NLGN1: variants seen among roughly 807,000 people sequenced by gnomAD.
NLGN1 encodes the protein neuroligin-1.
A neutral mutation model predicts 65.5 loss-of-function variants in NLGN1; 12 were observed. That is an observed-to-expected ratio of 0.18 (90% CI 0.12 to 0.30). The LOEUF (loss-of-function observed/expected upper bound fraction) is 0.30. NLGN1 is among the 10% of genes least tolerant of loss of function. The pLI, the probability that NLGN1 is intolerant of heterozygous loss-of-function variation, is 1.00. For synonymous variants in NLGN1, 350 were observed against 359.5 expected, an observed-to-expected ratio of 0.97 and a Z score of 0.30; for missense variants, 750 against 1,007.1, an observed-to-expected ratio of 0.74 and a Z score of 3.46.
intron 4 of NLGN1, among the ~76,000 whole-genome samples, chr3:174,132,313 A>C (rs958810265): frequency 2.6e-5 from 4 of 152,224 alleles, no homozygotes; most frequent in African/African-American, 9.6e-5. Flanking sequence ...TAAAATAGCC[A>C]AAACCTTTCC....
At chr3:173,922,326 A>G (rs1471167287) in intron 4 of NLGN1, among the ~76,000 whole-genome samples, 2 of 152,100 alleles carry the variant, frequency 1.3e-5, no homozygotes, top group African/African-American at 4.8e-5. Flanking sequence ...AAAAAGACAC[A>G]AATATAGTTT....
At chr3:173,721,833 T>C (rs1477721338) in intron 3 of NLGN1, among the ~76,000 whole-genome samples, 1 of 152,074 alleles carries the variant, frequency 6.6e-6, no homozygotes, top group Admixed American at 6.6e-5. Flanking sequence ...TTAATCATTT[T>C]AATGAATTGG....
At chr3:173,566,634 C>T (rs1743718946) in intron 2 of NLGN1, among the ~76,000 whole-genome samples, 2 of 152,122 alleles carry the variant, frequency 1.3e-5, no homozygotes, top group Non-Finnish European at 2.9e-5. Context: ...CTACCCTCTA[C>T]CCTCACCCTG....
At chr3:173,589,678 T>G (rs1056926640) in intron 2 of NLGN1, among the ~76,000 whole-genome samples, 7 of 152,158 alleles carry the variant, frequency 4.6e-5, no homozygotes, top group African/African-American at 1.7e-4. Flanking sequence ...ATGAAGGTCT[T>G]ATTGTATACA....
intron 2 of NLGN1, among the ~76,000 whole-genome samples, chr3:173,575,430 G>A (rs915520921): frequency 6.6e-6 from 1 of 151,892 alleles, no homozygotes; most frequent in African/African-American, 2.4e-5. Flanking sequence ...TTCTAAATTA[G>A]GTAACAAATT....
chr3:173,753,884 A>C (rs571553896), intron 3 of NLGN1, among the ~76,000 whole-genome samples: 72 of 150,366 alleles, frequency 4.8e-4, no homozygotes, highest in South Asian at 2.7e-3. Flanking sequence ...CAGAATCTTT[A>C]ATTGCTGTTT....
intron 4 of NLGN1, among the ~76,000 whole-genome samples, chr3:174,039,466 C>G (rs181439405): frequency 1.3e-5 from 2 of 152,054 alleles, no homozygotes; most frequent in East Asian, 3.9e-4. Context: ...AAGTTCCCCT[C>G]CCTGTGTCCA....
chr3:173,748,032 T>G (rs1050865565), intron 3 of NLGN1, among the ~76,000 whole-genome samples: 4 of 151,724 alleles, frequency 2.6e-5, no homozygotes, highest in Non-Finnish European at 4.4e-5. Context: ...ATTCCTGACC[T>G]TAAGTGATCT....
At chr3:173,812,470 G>C (rs977748390) in intron 4 of NLGN1, among the ~76,000 whole-genome samples, 2 of 152,034 alleles carry the variant, frequency 1.3e-5, no homozygotes, top group Non-Finnish European at 2.9e-5. Flanking sequence ...GTGCATGCCT[G>C]TAATCTCAGC....
intron 3 of NLGN1, among the ~76,000 whole-genome samples, chr3:173,766,533 C>G (rs1046183900): frequency 6.6e-6 from 1 of 152,128 alleles, no homozygotes; most frequent in Non-Finnish European, 1.5e-5. Context: ...TGAACCCTGA[C>G]TATATTAGGT....
intron 4 of NLGN1, among the ~76,000 whole-genome samples, chr3:173,814,347 G>C (rs563097602): frequency 6.6e-6 from 1 of 152,308 alleles, no homozygotes; most frequent in African/African-American, 2.4e-5. Flanking sequence ...TATGTCAACT[G>C]GGTTTTAATA....
intron 4 of NLGN1, among the ~76,000 whole-genome samples, chr3:174,084,267 A>G (rs1742832301): frequency 1.3e-5 from 2 of 152,202 alleles, no homozygotes; most frequent in African/African-American, 4.8e-5. Flanking sequence ...TACAGTTCAG[A>G]ATATTTAAAA....
intron 4 of NLGN1, among the ~76,000 whole-genome samples, chr3:174,008,635 C>T (rs1724922256): frequency 6.6e-6 from 1 of 152,000 alleles, no homozygotes; most frequent in Non-Finnish European, 1.5e-5. Flanking sequence ...GTTCAAAATA[C>T]TGATCCTCAC....
intron 4 of NLGN1, among the ~76,000 whole-genome samples, chr3:174,262,896 G>T (rs1334956836): frequency 1.9e-5 from 2 of 103,556 alleles, no homozygotes; most frequent in Non-Finnish European, 3.9e-5. Flanking sequence ...CTTTGTTCTC[G>T]TTGGTTTCAA....
chr3:173,476,859 A>T (rs949686226), intron 2 of NLGN1, among the ~76,000 whole-genome samples: 2 of 152,210 alleles, frequency 1.3e-5, no homozygotes, highest in Admixed American at 1.3e-4. Context: ...AAGATCTACC[A>T]TTCTCCATTA....
chr3:174,070,994 G>A (rs1580131130), intron 4 of NLGN1, among the ~76,000 whole-genome samples: 1 of 152,074 alleles, frequency 6.6e-6, no homozygotes, highest in East Asian at 1.9e-4. Context: ...GGTCAAGGCT[G>A]CAATGAGTCA....
In NLGN1 at chr3:173,920,131, A is replaced by G. The variant is rs77982349; in HGVS notation, c.646+112299A>G. On this transcript the variant is annotated intron_variant, in intron 4 of 6. Coordinates refer to ENST00000457714, the Ensembl canonical transcript of NLGN1. The stretch of plus-strand genomic sequence containing the variant: ...GATCTTCAGGCTGAAAGGGCAGACT[A>G]GATACAGATACTCTGAGGCCACTTA... 1.0e-3 allele frequency among the ~76,000 whole-genome samples: 153 copies of G among 152,034 alleles called. 2 individuals are homozygous for G. The East Asian group carries it at 0.025, about 24-fold the overall frequency.
chr3:173,913,885 G>T (rs906863278), intron 4 of NLGN1, among the ~76,000 whole-genome samples: 1 of 152,092 alleles, frequency 6.6e-6, no homozygotes, highest in African/African-American at 2.4e-5. Context: ...CATCTTGTTG[G>T]TCTTCATGGA....
At chr3:174,015,449 G>A (rs996554591) in intron 4 of NLGN1, among the ~76,000 whole-genome samples, 3 of 152,000 alleles carry the variant, frequency 2.0e-5, no homozygotes, top group African/African-American at 7.2e-5. Flanking sequence ...AAGCTCTCTG[G>A]TGTCTCTTCT....
Sources: gnomAD v4.1 joint callset for allele counts (sites outside exome capture counted in the v4.1 genomes callset) on GRCh38, gnomAD v4.1.1 for gene constraint, MANE v1.5 for transcripts, NCBI Gene and HGNC (gene_info 2026-07-23, HGNC 2026-07-21) for gene names.